The following KDR variants were observed in gnomAD, a reference collection of about 807,000 sequenced individuals.
The protein encoded by KDR is vascular endothelial growth factor receptor 2.
A neutral mutation model predicts 160.9 loss-of-function variants in KDR; 43 were observed. That is an observed-to-expected ratio of 0.27 (90% CI 0.21 to 0.34). The LOEUF is 0.34. Ranked by LOEUF, KDR falls within the 10% of genes least tolerant of loss-of-function variation. KDR has a pLI of 1.00. For missense variants in KDR, 1,469 were observed against 1,666.4 expected, an observed-to-expected ratio of 0.88 and a Z score of 2.06; for synonymous variants, 617 against 600.1, an observed-to-expected ratio of 1.03 and a Z score of -0.41.
chr4:55,120,856 G>GTGTA (rs1357041152), intron 2 of KDR, among the ~76,000 whole-genome samples: 1 of 151,488 alleles, frequency 6.6e-6, no homozygotes, highest in Non-Finnish European at 1.5e-5. Flanking sequence ...GTGTGCGTGT[G>GTGTA]TGTGTGTGTG....
intron 3 of KDR, among the ~76,000 whole-genome samples, chr4:55,118,383 G>C (rs1042317395): frequency 3.3e-5 from 5 of 152,176 alleles, no homozygotes; most frequent in African/African-American, 1.2e-4. Flanking sequence ...ACAAAGATCA[G>C]ACCCAAACTA....
intron 29 of KDR, 32 bp downstream of exon 29, chr4:55,081,924 A>G: frequency 2.0e-6 from 3 of 1,470,990 alleles, no homozygotes; most frequent in Non-Finnish European, 2.9e-6. Context: ...ATTCCTATTG[A>G]AATTTGTCTT....
intron 9 of KDR, 121 bp downstream of exon 9, chr4:55,110,282 A>C (rs1720544147): frequency 2.9e-6 from 3 of 1,048,256 alleles, no homozygotes; most frequent in Admixed American, 3.5e-5. Context: ...TGACTTTTGT[A>C]CGCAGGCCCA....
At position 55,087,447 on chromosome 4, in the gene KDR, T is replaced by C. The variant is rs1207752648; in HGVS notation, c.3662+160A>G. Among the ~76,000 whole-genome samples, 5 of 152,214 alleles carry C rather than the reference T, an allele frequency of 3.3e-5. No homozygotes were observed. The East Asian group carries it at 9.6e-4, about 29-fold the overall frequency. ...GGAGGAAGCACACCTACCCAGGCCC[T>C]CTTCCAGGAGCATTCCCCATTATGT... On this transcript the variant is annotated intron_variant, in intron 27 of 29. Coordinates refer to ENST00000263923, the MANE Select transcript of KDR (RefSeq NM_002253.4).
chr4:55,085,535 C>T (rs1375420210), intron 27 of KDR, among the ~76,000 whole-genome samples: 1 of 152,138 alleles, frequency 6.6e-6, no homozygotes, highest in African/African-American at 2.4e-5. Context: ...GAAACAGAAC[C>T]CCAGGAGAGC....
At chr4:55,089,854 G>GA (rs1196149266) in intron 23 of KDR, 52 bp from the exon 24 acceptor site, 17 of 1,606,136 alleles carry the variant, frequency 1.1e-5, no homozygotes, top group Non-Finnish European at 1.4e-5. Flanking sequence ...AATATCTGAA[G>GA]AAAAAAACTT....
intron 22 of KDR, among the ~76,000 whole-genome samples, chr4:55,090,505 T>C (rs939051989): frequency 3.9e-5 from 6 of 152,300 alleles, no homozygotes; most frequent in African/African-American, 1.4e-4. Context: ...GGTTTAGTGC[T>C]CTTTGTTGGT....
chr4:55,114,754 C>T (rs1720689883), intron 5 of KDR, 120 bp downstream of exon 5: 2 of 875,774 alleles, frequency 2.3e-6, no homozygotes, highest in South Asian at 2.9e-5. Context: ...GATGAATTGC[C>T]CAACACCATA....
rs1720693937 is a variant in KDR at position 55,114,894 on chromosome 4, A to C, written c.638T>G (p.Met213Arg). 1 of 1,613,602 alleles carries C rather than the reference A, an allele frequency of 6.2e-7. No individual in the cohort carries two copies. The highest frequency in any genetic ancestry group is 8.5e-7 in the Non-Finnish European group (1 of 1,179,658). The change falls in exon 5 of 30, where the codon ATG (methionine) becomes AGG (arginine). Residue 213 changes from methionine (M) to arginine (R), a missense_variant. This residue lies in a region of KDR where 792 missense variants were observed against 840.9 expected (regional missense o/e 0.94). Transcript: ENST00000263923. Reference protein sequence around the residue: ...KINDESYQSIMYIVVVVGYRI... With the variant: ...KINDESYQSIRYIVVVVGYRI... Reference sequence around the variant, plus strand: ...CTTACCTACAACGACAACTATGTACATAATAGACTGGTAACTTTCATCATT... The same window carrying C: ...CTTACCTACAACGACAACTATGTACCTAATAGACTGGTAACTTTCATCATT...
intron 18 of KDR, among the ~76,000 whole-genome samples, chr4:55,097,450 G>C (rs1335767443): frequency 6.6e-6 from 1 of 152,118 alleles, no homozygotes; most frequent in Non-Finnish European, 1.5e-5. Flanking sequence ...GAAGGTGAAA[G>C]CCATTCCCAA....
chr4:55,097,583 G>A, intron 18 of KDR, 79 bp downstream of exon 18: 1 of 946,872 alleles, frequency 1.1e-6, no homozygotes, highest in South Asian at 1.3e-5. Flanking sequence ...TAAGCACAAA[G>A]CTACTGATAC....
At chr4:55,122,748 T>TAC (rs1720922499) in intron 1 of KDR, 1 of 152,214 alleles carries the variant, frequency 6.6e-6, no homozygotes, top group Non-Finnish European at 1.5e-5. Flanking sequence ...CTGACTTATG[T>TAC]TTAGAACAGT....
At chr4:55,092,190 A>G in intron 22 of KDR, 1 of 241,058 alleles carries the variant, frequency 4.1e-6, no homozygotes, top group East Asian at 9.5e-5. Context: ...AACATACACA[A>G]GTGCATTGCT....
chr4:55,125,439 C>A lies in KDR; in HGVS notation c.-146G>T. 2.0e-6 allele frequency: 2 copies of A among 1,005,396 alleles called. No individual in the cohort carries two copies. The highest frequency in any genetic ancestry group is 4.4e-5 in the Admixed American group (2 of 44,962). 62.3% of individuals were successfully genotyped at this position (1,005,396 alleles called of 1,614,324 possible). On this transcript the variant is annotated 5_prime_UTR_variant, in exon 1 of 30. Transcript: ENST00000263923. ...AGCGCACAGGGCTAGGGAGCCCGGG[C>A]GCCGACCGCGGCTGCAGGGGCGTCT...
chr4:55,116,908 T>G (rs1259391203), intron 3 of KDR, among the ~76,000 whole-genome samples: 1 of 152,186 alleles, frequency 6.6e-6, no homozygotes, highest in African/African-American at 2.4e-5. Context: ...TTGTTTAACT[T>G]CATGGCCAAA....
rs773217040 is a variant in KDR, at chr4:55,110,735, T to C, written c.1010A>G (p.Glu337Gly). The change falls in exon 8 of 30, where the codon GAA becomes GGA. Residue 337 changes from glutamate (E) to glycine (G), a missense_variant. Transcript: ENST00000263923. ...CCCCACCGTGGCTTCCACCAGAGAT[T>C]CCATGCCACTTCCAAAAGCAACAAA... is the stretch of plus-strand genomic sequence containing the variant. Reference protein sequence around the residue: ...KPFVAFGSGMESLVEATVGER... With the variant: ...KPFVAFGSGMGSLVEATVGER... The C allele has an allele frequency of 1.2e-6, 2 of 1,612,918 alleles. No individual in the cohort carries two copies. Among genetic ancestry groups the C allele is most frequent in the Non-Finnish European group, 1.7e-6 (2 of 1,179,766 alleles).
chr4:55,105,869 G>T lies in KDR; in HGVS notation c.1608C>A (p.Val536=), dbSNP rs747128649. The change falls in exon 12 of 30, where the codon GTC becomes GTA. Residue 536 remains valine, a synonymous_variant. Transcript: ENST00000263923. ...AGGAGATCACCCTCTCTCCTCTCCC[G>T]ACTTTGTTGACCGCTTCACATTTGT... The part of the protein sequence containing the change: ...ALYKCEAVNK[V]GRGERVISFH... The T allele has an allele frequency of 9.4e-5, 152 of 1,613,042 alleles. No homozygotes were observed. The highest frequency in any genetic ancestry group is 6.8e-4 in the Admixed American group (41 of 59,976).
At chr4:55,096,130 C>A (rs1449102589) in intron 19 of KDR, 99 bp downstream of exon 19, 4 of 727,842 alleles carry the variant, frequency 5.5e-6, no homozygotes, top group Non-Finnish European at 1.0e-5. Context: ...GTATTCTAAG[C>A]TAAGAAAATC....
intron 9 of KDR, 134 bp downstream of exon 9, chr4:55,110,269 A>C (rs1217477329): frequency 1.1e-6 from 1 of 918,506 alleles, no homozygotes; most frequent in Non-Finnish European, 1.8e-6. Flanking sequence ...TCACCACGCC[A>C]GATGACTTTT....
Sources: gnomAD v4.1 joint callset for allele counts (sites outside exome capture counted in the v4.1 genomes callset) on GRCh38, gnomAD v4.1.1 for gene constraint, gnomAD v4.1.1 regional missense constraint, MANE v1.5 for transcripts, NCBI Gene and HGNC (gene_info 2026-07-23, HGNC 2026-07-21) for gene names.